Variants in ANKRD30BL observed in about 807,000 individuals in gnomAD.
ANKRD30BL encodes the protein ankyrin repeat domain 30B like, also known as putative ankyrin repeat domain-containing protein 30B-like.
In ANKRD30BL, 20 loss-of-function variants were observed where a neutral mutation model predicts 18.4. The ratio of observed to expected loss-of-function variants is 1.09; its 90% CI spans 0.77 to 1.58. ANKRD30BL has a LOEUF of 1.58. ANKRD30BL is among the 40% of genes most tolerant of loss of function. The probability of loss-of-function intolerance (pLI) is 0.00; values close to 1 mark genes in which losing one functional copy is unlikely to be tolerated. For synonymous variants in ANKRD30BL, 72 were observed against 100.9 expected, an observed-to-expected ratio of 0.71 and a Z score of 1.72; for missense variants, 224 against 268.6, an observed-to-expected ratio of 0.83 and a Z score of 1.16.
At chr2:132,215,970 T>A (rs148457502) in intron 1 of ANKRD30BL, among the ~76,000 whole-genome samples, 1 of 152,018 alleles carries the variant, frequency 6.6e-6, no homozygotes. Flanking sequence ...TTTGAAACAC[T>A]CTTTTTGTAG....
At chr2:132,210,257 G>A (rs796922272) in intron 1 of ANKRD30BL, among the ~76,000 whole-genome samples, 1 of 142,010 alleles carries the variant, frequency 7.0e-6, no homozygotes, top group Non-Finnish European at 1.6e-5. Flanking sequence ...GTGCATTCAT[G>A]TCTCAGAGAT....
At chr2:132,237,309 C>G (rs138149528) in intron 1 of ANKRD30BL, among the ~76,000 whole-genome samples, 1 of 151,778 alleles carries the variant, frequency 6.6e-6, no homozygotes, top group Non-Finnish European at 1.5e-5. Context: ...AGCATTCTCA[C>G]AAACTACTTT....
chr2:132,196,743 G>A (rs868436868), intron 1 of ANKRD30BL, among the ~76,000 whole-genome samples: 4 of 151,672 alleles, frequency 2.6e-5, no homozygotes, highest in African/African-American at 9.7e-5. Flanking sequence ...GGAGTAGGAG[G>A]TTGCAGTGAA....
chr2:132,200,002 T>C (rs1183302118), intron 1 of ANKRD30BL, among the ~76,000 whole-genome samples: 1 of 152,114 alleles, frequency 6.6e-6, no homozygotes, highest in African/African-American at 2.4e-5. Context: ...GCAAGGCTGG[T>C]TCAATATACG....
At chr2:132,207,750 A>C (rs1679237292) in intron 1 of ANKRD30BL, among the ~76,000 whole-genome samples, 1 of 152,116 alleles carries the variant, frequency 6.6e-6, no homozygotes, top group Non-Finnish European at 1.5e-5. Context: ...AGATAAATGG[A>C]AAGAAGGGTG....
chr2:132,185,585 G>A (rs1410144069), intron 1 of ANKRD30BL, among the ~76,000 whole-genome samples: 1 of 152,170 alleles, frequency 6.6e-6, no homozygotes, highest in Non-Finnish European at 1.5e-5. Flanking sequence ...GGTTATTAAA[G>A]CAAGTCTTGA....
chr2:132,252,956 GC>G (rs557353890), intron 1 of ANKRD30BL, among the ~76,000 whole-genome samples: 1 of 152,242 alleles, frequency 6.6e-6, no homozygotes, highest in South Asian at 2.1e-4. Context: ...ACAGCCGGGA[GC>G]CCCCCTTCCC....
rs978805546 is a variant in ANKRD30BL, at chr2:132,256,803, C to T, written n.441+726G>A. Among the ~76,000 whole-genome samples the T allele has an allele frequency of 1.2e-4, 19 of 152,360 alleles. 1 individual carries two copies. Among genetic ancestry groups the T allele is most frequent in the Admixed American group, 8.5e-4 (13 of 15,310 alleles). ...ACCAGTGGCTAGCGGCGGCGCCCCA[C>T]CAGGCAGAGCCGGGTTTGGTCCCAG... On this transcript the variant is annotated intron_variant and non_coding_transcript_variant, in intron 1 of 4. Transcript: ENST00000470729.
chr2:132,224,372 G>T (rs971428158), intron 1 of ANKRD30BL, among the ~76,000 whole-genome samples: 3 of 152,046 alleles, frequency 2.0e-5, no homozygotes, highest in African/African-American at 7.2e-5. Context: ...CACTCACAGA[G>T]TTGAACATAC....
chr2:132,241,538 A>C (rs1346020736), intron 1 of ANKRD30BL, among the ~76,000 whole-genome samples: 1 of 151,852 alleles, frequency 6.6e-6, no homozygotes, highest in Non-Finnish European at 1.5e-5. Context: ...AGTTAGAAGC[A>C]TTCTCAGAAA....
chr2:132,232,588 A>T (rs566932239), intron 1 of ANKRD30BL, among the ~76,000 whole-genome samples: 1 of 152,308 alleles, frequency 6.6e-6, no homozygotes, highest in East Asian at 1.9e-4. Context: ...GGTATCAGCA[A>T]TGGAAGATGA....
At chr2:132,257,846 C>T (rs145538491) in exon 1 of ANKRD30BL, 1 of 152,646 alleles carries the variant, frequency 6.6e-6, no homozygotes, top group South Asian at 2.1e-4. Context: ...GCGCAATCCC[C>T]GAAGGGCCCC....
At chr2:132,213,448 T>C (rs1173608565) in intron 1 of ANKRD30BL, among the ~76,000 whole-genome samples, 2 of 152,200 alleles carry the variant, frequency 1.3e-5, no homozygotes, top group African/African-American at 4.8e-5. Context: ...TGGTGTGCTT[T>C]GAGGCATATG....
chr2:132,218,644 T>C (rs1249621370), intron 1 of ANKRD30BL, among the ~76,000 whole-genome samples: 1 of 152,112 alleles, frequency 6.6e-6, no homozygotes, highest in Non-Finnish European at 1.5e-5. Flanking sequence ...ACATAAAAAC[T>C]AGACAGAAGC....
At chr2:132,232,737 G>A (rs1228267406) in intron 1 of ANKRD30BL, among the ~76,000 whole-genome samples, 1 of 152,058 alleles carries the variant, frequency 6.6e-6, no homozygotes. Flanking sequence ...ATGGGGAGAA[G>A]GGACCCAAGT....
At chr2:132,187,270 T>C (rs1187652040) in intron 1 of ANKRD30BL, among the ~76,000 whole-genome samples, 3 of 148,562 alleles carry the variant, frequency 2.0e-5, no homozygotes, top group African/African-American at 7.5e-5. Context: ...CTCGGCTTGC[T>C]GTAACTTCTG....
intron 4 of ANKRD30BL, among the ~76,000 whole-genome samples, chr2:132,151,717 C>A (rs532589162): frequency 6.6e-6 from 1 of 151,656 alleles, no homozygotes; most frequent in South Asian, 2.1e-4. Context: ...ATGTTCTATT[C>A]TTTGTGGCTT....
chr2:132,223,505 T>C (rs1485991625), intron 1 of ANKRD30BL, among the ~76,000 whole-genome samples: 2 of 152,104 alleles, frequency 1.3e-5, no homozygotes, highest in Non-Finnish European at 2.9e-5. Flanking sequence ...GATATTTGTA[T>C]TCAACTCACA....
intron 1 of ANKRD30BL, among the ~76,000 whole-genome samples, chr2:132,239,756 T>C: frequency 6.6e-6 from 1 of 151,886 alleles, no homozygotes; most frequent in Non-Finnish European, 1.5e-5. Context: ...TTTTGTAGTT[T>C]CACTAAGTGG....
Sources: gnomAD v4.1 joint callset for allele counts (sites outside exome capture counted in the v4.1 genomes callset) on GRCh38, gnomAD v4.1.1 for gene constraint, MANE v1.5 for transcripts, NCBI Gene and HGNC (gene_info 2026-07-23, HGNC 2026-07-21) for gene names.